KCNMA1: variants seen among roughly 807,000 people sequenced by gnomAD.
KCNMA1 encodes the protein Calcium-activated potassium channel subunit alpha-1.
KCNMA1 carries 29 observed loss-of-function variants against 140.0 expected under a neutral mutation model. The ratio of observed to expected loss-of-function variants is 0.21; its 90% CI spans 0.15 to 0.28. The LOEUF (loss-of-function observed/expected upper bound fraction) is 0.28. Ranked by LOEUF, KCNMA1 falls within the 10% of genes least tolerant of loss-of-function variation. The pLI, the probability that KCNMA1 is intolerant of heterozygous loss-of-function variation, is 1.00. For missense variants in KCNMA1, 880 were observed against 1,602.2 expected (o/e 0.55, Z 7.70); for synonymous variants, 612 against 611.9 (o/e 1.00, Z 0.00).
intron 1 of KCNMA1, among the ~76,000 whole-genome samples, chr10:77,421,415 G>T (rs918801116): frequency 9.2e-5 from 14 of 152,138 alleles, no homozygotes; most frequent in Admixed American, 9.2e-4. Context: ...CTTGTTCAGG[G>T]CCTCTTTGCT....
intron 5 of KCNMA1, among the ~76,000 whole-genome samples, chr10:77,138,698 C>T (rs553029112): frequency 6.6e-6 from 1 of 152,344 alleles, no homozygotes; most frequent in South Asian, 2.1e-4. Flanking sequence ...TTCCTTATCT[C>T]GCTCTGGAAG....
chr10:77,339,774 G>A (rs2090360107), intron 2 of KCNMA1, among the ~76,000 whole-genome samples: 1 of 152,254 alleles, frequency 6.6e-6, no homozygotes, highest in Non-Finnish European at 1.5e-5. Flanking sequence ...GCAGCTATAG[G>A]TGGCCACGCC....
chr10:76,983,746 A>G (rs1167211568), intron 19 of KCNMA1, among the ~76,000 whole-genome samples: 1 of 151,922 alleles, frequency 6.6e-6, no homozygotes, highest in African/African-American at 2.4e-5. Context: ...AAAAAGGAAG[A>G]AAATTTAATA....
chr10:76,895,293 A>C (rs1203374724), intron 25 of KCNMA1, among the ~76,000 whole-genome samples: 1 of 152,084 alleles, frequency 6.6e-6, no homozygotes, highest in Non-Finnish European at 1.5e-5. Context: ...TGGCCGAATA[A>C]ACCTCTTCCT....
At chr10:77,073,309 C>T (rs1275079874) in intron 13 of KCNMA1, 57 bp from the exon 14 acceptor site, 2 of 1,582,208 alleles carry the variant, frequency 1.3e-6, no homozygotes, top group African/African-American at 2.7e-5. Context: ...AATTGTTTAA[C>T]ATTTCTTCTG....
At chr10:77,009,700 T>G (rs2090225291) in intron 18 of KCNMA1, among the ~76,000 whole-genome samples, 1 of 152,158 alleles carries the variant, frequency 6.6e-6, no homozygotes, top group Non-Finnish European at 1.5e-5. Context: ...GCCACTGGCC[T>G]TTCTTCCATC....
At chr10:77,444,353 C>T (rs2097479321) in intron 1 of KCNMA1, among the ~76,000 whole-genome samples, 1 of 152,188 alleles carries the variant, frequency 6.6e-6, no homozygotes, top group Admixed American at 6.5e-5. Context: ...AGTAAATTCT[C>T]CAAGGATGAA....
chr10:76,950,517 C>T (rs12218921), intron 21 of KCNMA1, among the ~76,000 whole-genome samples: 42,803 of 152,118 alleles, frequency 0.28, 6,877 homozygotes, highest in East Asian at 0.55. Context: ...GGAGGCCAGC[C>T]GTGGACCTTT....
In KCNMA1 at chr10:77,614,828, G is replaced by A. The variant is rs561512444; in HGVS notation, c.378+22437C>T. 2.4e-4 allele frequency among the ~76,000 whole-genome samples: 37 copies of A among 152,292 alleles called. No homozygotes were observed. The South Asian group carries it at 5.0e-3, about 21-fold the overall frequency. On this transcript the variant is annotated intron_variant, in intron 1 of 27. Coordinates refer to ENST00000286628, the MANE Select transcript of KCNMA1 (RefSeq NM_001161352.2). ...GCTCAGCTTGGGCTCCCCCAAGCAA[G>A]CACCACATGACTGACACTCTTGGAA...
intron 1 of KCNMA1, among the ~76,000 whole-genome samples, chr10:77,427,616 G>A (rs890892368): frequency 6.6e-6 from 1 of 152,160 alleles, no homozygotes; most frequent in African/African-American, 2.4e-5. Flanking sequence ...AGAAATAGCA[G>A]TACTTCCTAG....
chr10:77,449,603 T>C (rs2097588931), intron 1 of KCNMA1, among the ~76,000 whole-genome samples: 1 of 151,966 alleles, frequency 6.6e-6, no homozygotes, highest in African/African-American at 2.4e-5. Flanking sequence ...ATGTGTTACT[T>C]TTATTTCATT....
chr10:77,293,177 G>A (rs1379756241), intron 2 of KCNMA1, among the ~76,000 whole-genome samples: 3 of 152,206 alleles, frequency 2.0e-5, no homozygotes, highest in African/African-American at 7.2e-5. Flanking sequence ...ATGGGAAGGA[G>A]TTTGGAACTT....
At chr10:77,356,380 A>T (rs1416129107) in intron 2 of KCNMA1, among the ~76,000 whole-genome samples, 2 of 152,250 alleles carry the variant, frequency 1.3e-5, no homozygotes, top group African/African-American at 2.4e-5. Flanking sequence ...AATCTTCAAT[A>T]GTCTTTAGCT....
rs200967497 is a variant in KCNMA1 at position 77,106,410 on chromosome 10, C to T, written c.1223+2071G>A. 1.3e-4 allele frequency among the ~76,000 whole-genome samples: 20 copies of T among 152,160 alleles called. 1 individual carries two copies. The East Asian group carries it at 3.5e-3, about 27-fold the overall frequency. On this transcript the variant is annotated intron_variant, in intron 9 of 27. Coordinates refer to ENST00000286628, the MANE Select transcript of KCNMA1 (RefSeq NM_001161352.2). ...TGGAACTGCCAGGGTGAAAGATGACCGGATCGGACTGGGGGCAGTGAGTGA... is the reference window on the plus strand; with the variant it reads ...TGGAACTGCCAGGGTGAAAGATGACTGGATCGGACTGGGGGCAGTGAGTGA...
chr10:77,251,206 T>C lies in KCNMA1; in HGVS notation c.591A>G (p.Ile197Met). ...LSIGALVIYF[I>M]DSSNPIESCQ... ...ATTTGAATACTCACTTTGATGAATCTATGAAGTATATTACAAGTGCACCGA... is the reference window on the plus strand; with the variant it reads ...ATTTGAATACTCACTTTGATGAATCCATGAAGTATATTACAAGTGCACCGA... Residue 197 changes from isoleucine to methionine, a missense_variant, in exon 3 of 28, where the codon ATA becomes ATG. This residue lies in a region of KCNMA1 where 198 missense variants were observed against 580.1 expected (regional missense o/e 0.34). Coordinates refer to ENST00000286628, the MANE Select transcript of KCNMA1 (RefSeq NM_001161352.2). 6.2e-7 allele frequency: 1 copy of C among 1,608,846 alleles called. No individual in the cohort carries two copies.
chr10:77,346,813 A>G (rs1169866241), intron 2 of KCNMA1, among the ~76,000 whole-genome samples: 1 of 152,154 alleles, frequency 6.6e-6, no homozygotes, highest in Non-Finnish European at 1.5e-5. Flanking sequence ...AAATGGCATT[A>G]TACTTCTGCC....
chr10:77,419,343 G>T (rs2096819288), intron 1 of KCNMA1, among the ~76,000 whole-genome samples: 1 of 152,208 alleles, frequency 6.6e-6, no homozygotes, highest in South Asian at 2.1e-4. Context: ...TAACCATCCA[G>T]CCCTTAGCAC....
rs144962422 is a variant in KCNMA1, at chr10:77,215,906, CCT to C, written c.603-30992_603-30991del. On this transcript the variant is annotated intron_variant, in intron 3 of 27. Coordinates refer to ENST00000286628, the MANE Select transcript of KCNMA1 (RefSeq NM_001161352.2). ...TCTCTCTCTCTCCTCTCTCCTCTCT[CCT>C]CTCTCTCTCTCTCTCTCTCTCTGCC... 8.5e-3 allele frequency among the ~76,000 whole-genome samples: 1,171 copies of C among 137,568 alleles called. 1 individual carries two copies. Among genetic ancestry groups the C allele is most frequent in the African/African-American group, 8.6e-3 (324 of 37,526 alleles). 90.2% of individuals were successfully genotyped at this position (137,568 alleles called of 152,430 possible). A position where few individuals can be genotyped will look rare whatever the true frequency, so the allele number is the denominator to read the frequency against.
At chr10:77,085,456 G>C (rs961333993) in intron 11 of KCNMA1, among the ~76,000 whole-genome samples, 1 of 152,136 alleles carries the variant, frequency 6.6e-6, no homozygotes, top group Admixed American at 6.5e-5. Context: ...AATAACAATT[G>C]TCCCTACGTT....
Sources: allele counts gnomAD v4.1 joint callset (sites outside exome capture counted in the v4.1 genomes callset), GRCh38; gene constraint gnomAD v4.1.1; regional missense constraint gnomAD v4.1.1; transcripts MANE v1.5; gene names NCBI Gene and HGNC (gene_info 2026-07-23, HGNC 2026-07-21).